ESRRB: variants seen among roughly 807,000 people sequenced by gnomAD.
The protein encoded by ESRRB is estrogen related receptor beta, also known as steroid hormone receptor ERR2.
Under a neutral mutation model 46.0 loss-of-function variants are expected in ESRRB, and 16 were observed. The ratio of observed to expected loss-of-function variants is 0.35; its 90% CI spans 0.24 to 0.53. The LOEUF is 0.53. Among genes scored for constraint, ESRRB ranks in the 20% least tolerant of loss-of-function variants. The probability of loss-of-function intolerance (pLI) is 0.93; values close to 1 mark genes in which losing one functional copy is unlikely to be tolerated. For missense variants in ESRRB, 488 were observed against 607.4 expected, an observed-to-expected ratio of 0.80 and a Z score of 2.07; for synonymous variants, 246 against 259.6, an observed-to-expected ratio of 0.95 and a Z score of 0.50.
Position 76,482,237 on chromosome 14 carries a change from T to A in ESRRB, c.688+111T>A, listed in dbSNP as rs1889836596. Reference sequence around the variant, plus strand: ...CCACTGGGTCATGAGACAATGTGGATCTTGGGGAGGTGACATCAGTGCCTG... The same window carrying A: ...CCACTGGGTCATGAGACAATGTGGAACTTGGGGAGGTGACATCAGTGCCTG... On this transcript the variant is annotated intron_variant, in intron 4 of 6. Coordinates refer to ENST00000644823, the MANE Select transcript of ESRRB (RefSeq NM_001379180.1). This position sits in a 1 kb window ranked among gnomAD's most constrained non-coding sequence, Gnocchi z 4.3. 1.2e-6 allele frequency: 1 copy of A among 858,402 alleles called. No homozygotes were observed. Among genetic ancestry groups the A allele is most frequent in the African/African-American group, 1.7e-5 (1 of 60,240 alleles). The allele number at this position is 858,402 out of a possible 1,614,324, so 53.2% of individuals were successfully genotyped here. A position where few individuals can be genotyped will look rare whatever the true frequency, so the allele number is the denominator to read the frequency against.
rs1890568290 is a variant in ESRRB, at chr14:76,499,257, C to T, written c.*799C>T. Reference sequence around the variant, plus strand: ...GGGGCTGTAGACAGGAACGCGCTGGCACAGAGAAGAGCGGGGACCACACCA... The same window carrying T: ...GGGGCTGTAGACAGGAACGCGCTGGTACAGAGAAGAGCGGGGACCACACCA... On this transcript the variant is annotated 3_prime_UTR_variant, in exon 7 of 7. Coordinates refer to ENST00000644823, the MANE Select transcript of ESRRB (RefSeq NM_001379180.1). 1.6e-5 allele frequency: 4 copies of T among 250,504 alleles called. No individual in the cohort carries two copies. Among genetic ancestry groups the T allele is most frequent in the Non-Finnish European group, 3.1e-5 (4 of 127,740 alleles). 15.5% of individuals were successfully genotyped at this position (250,504 alleles called of 1,614,324 possible). A position where few individuals can be genotyped will look rare whatever the true frequency, so the allele number is the denominator to read the frequency against.
upstream of ESRRB, among the ~76,000 whole-genome samples, chr14:76,375,367 A>C (rs1456712704): frequency 6.6e-6 from 1 of 152,150 alleles, no homozygotes; most frequent in Non-Finnish European, 1.5e-5. Flanking sequence ...TGTATTTCAA[A>C]GTGTGTACTT....
chr14:76,323,204 T>A (rs1425877163), intron 1 of ESRRB, among the ~76,000 whole-genome samples: 1 of 152,130 alleles, frequency 6.6e-6, no homozygotes, highest in Non-Finnish European at 1.5e-5. Context: ...AACAGAGAGA[T>A]TTTTTGTCTC....
intron 1 of ESRRB, among the ~76,000 whole-genome samples, chr14:76,321,482 T>G (rs1883866754): frequency 6.6e-6 from 1 of 152,246 alleles, no homozygotes; most frequent in Admixed American, 6.5e-5. Flanking sequence ...TGCTCTATAT[T>G]GTGAAAGATT....
chr14:76,481,149 T>G (rs541824481), intron 3 of ESRRB, among the ~76,000 whole-genome samples: 1 of 152,332 alleles, frequency 6.6e-6, no homozygotes, highest in Non-Finnish European at 1.5e-5. Context: ...ACCAATTTGT[T>G]GGGATTCATC....
At chr14:76,439,274 G>A in intron 1 of ESRRB, 67 bp from the exon 2 acceptor site, 2 of 1,576,068 alleles carry the variant, frequency 1.3e-6, no homozygotes, top group Admixed American at 3.3e-5. Context: ...CCCTACCTGC[G>A]GGGCTGGACC....
chr14:76,331,535 ACTTC>A (rs1036275797), intron 1 of ESRRB, among the ~76,000 whole-genome samples: 1 of 152,084 alleles, frequency 6.6e-6, no homozygotes, highest in African/African-American at 2.4e-5. Context: ...TCAGAGCTTC[ACTTC>A]CTTCCTTTAC....
intron 1 of ESRRB, among the ~76,000 whole-genome samples, chr14:76,346,594 G>T (rs895410927): frequency 6.6e-6 from 1 of 152,190 alleles, no homozygotes; most frequent in Non-Finnish European, 1.5e-5. Context: ...TGGATTTCTG[G>T]CTGGGAGTGC....
chr14:76,422,569 G>A (rs1386528471), intron 1 of ESRRB, among the ~76,000 whole-genome samples: 2 of 152,086 alleles, frequency 1.3e-5, no homozygotes, highest in African/African-American at 4.8e-5. Flanking sequence ...TGTGGGTAGG[G>A]ACCACCCTTG....
At chr14:76,318,761 T>C (rs1444209381) in intron 1 of ESRRB, among the ~76,000 whole-genome samples, 1 of 152,196 alleles carries the variant, frequency 6.6e-6, no homozygotes. Flanking sequence ...GCTGTTATCA[T>C]CATTTTGCAG....
chr14:76,428,766 G>A (rs72731653), intron 1 of ESRRB, among the ~76,000 whole-genome samples: 1,714 of 152,216 alleles, frequency 0.011, 21 homozygotes, highest in Non-Finnish European at 0.018. Context: ...CCTGCAGCCT[G>A]GAAAATCATG....
intron 1 of ESRRB, among the ~76,000 whole-genome samples, chr14:76,398,398 A>ATC (rs1478355124): frequency 1.3e-5 from 2 of 152,122 alleles, no homozygotes; most frequent in Admixed American, 6.5e-5. Context: ...CCATATTTCA[A>ATC]TCTCTCTCTC....
intron 1 of ESRRB, among the ~76,000 whole-genome samples, chr14:76,401,615 T>C (rs918123433): frequency 5.9e-5 from 9 of 152,340 alleles, no homozygotes; most frequent in Admixed American, 5.2e-4. Flanking sequence ...TGTATAGATA[T>C]ACACATACCA....
Position 76,325,311 on chromosome 14 carries a change from G to A in ESRRB, c.2+14395G>A, listed in dbSNP as rs550556796. 2.0e-4 allele frequency among the ~76,000 whole-genome samples: 30 copies of A among 152,208 alleles called. No individual in the cohort carries two copies. The South Asian group carries it at 4.2e-3, about 21-fold the overall frequency. On this transcript the variant is annotated intron_variant, in intron 1 of 6. Coordinates refer to the ESRRB transcript ENST00000512784. Reference sequence around the variant, plus strand: ...GCCTGGCTCTGCGTGGGAAAAATACGGAAGATAAATTCTTATTCTTTTGGA... The same window carrying A: ...GCCTGGCTCTGCGTGGGAAAAATACAGAAGATAAATTCTTATTCTTTTGGA...
chr14:76,452,486 G>C (rs1888423751), intron 2 of ESRRB, among the ~76,000 whole-genome samples: 1 of 151,696 alleles, frequency 6.6e-6, no homozygotes, highest in African/African-American at 2.4e-5. Context: ...AATTAGCCAG[G>C]CGTGGTGGCT....
intron 2 of ESRRB, among the ~76,000 whole-genome samples, chr14:76,443,883 G>A (rs1160296936): frequency 6.6e-6 from 1 of 152,228 alleles, no homozygotes; most frequent in Non-Finnish European, 1.5e-5. Context: ...ACAAACAGCA[G>A]CATTTGTGCA....
intron 1 of ESRRB, among the ~76,000 whole-genome samples, chr14:76,321,902 A>G (rs1352030788): frequency 2.8e-5 from 4 of 144,532 alleles, no homozygotes; most frequent in African/African-American, 1.0e-4. Context: ...AAAAAAAAAT[A>G]TATTCTTCCC....
intron 2 of ESRRB, among the ~76,000 whole-genome samples, chr14:76,459,078 C>T (rs542725249): frequency 6.6e-6 from 1 of 152,298 alleles, no homozygotes; most frequent in East Asian, 1.9e-4. Context: ...CTCCTGACCT[C>T]AGATGATCTG....
chr14:76,392,182 T>G (rs1435594075), intron 1 of ESRRB, among the ~76,000 whole-genome samples: 1 of 152,168 alleles, frequency 6.6e-6, no homozygotes, highest in African/African-American at 2.4e-5. Flanking sequence ...AAGATGCCAG[T>G]GGAAGCAGAG....
Sources: gnomAD v4.1 joint callset for allele counts (sites outside exome capture counted in the v4.1 genomes callset) on GRCh38, gnomAD v4.1.1 for gene constraint, Gnocchi (gnomAD v3.1) non-coding constraint, MANE v1.5 for transcripts, NCBI Gene and HGNC (gene_info 2026-07-23, HGNC 2026-07-21) for gene names.